The following MEGF11 variants were observed in gnomAD, a reference collection of about 807,000 sequenced individuals.
MEGF11 encodes the protein multiple epidermal growth factor-like domains protein 11.
In MEGF11, 126 loss-of-function variants were observed where a neutral mutation model predicts 146.6. That is an observed-to-expected ratio of 0.86 (90% CI 0.74 to 1.00). MEGF11 has a LOEUF of 1.00. Ranked by LOEUF, MEGF11 falls within the 50% of genes least tolerant of loss-of-function variation. The probability of loss-of-function intolerance (pLI) is 0.00; values close to 1 mark genes in which losing one functional copy is unlikely to be tolerated. For synonymous variants in MEGF11, 532 were observed against 583.4 expected (o/e 0.91, Z 1.27); for missense variants, 1,509 against 1,521.2 (o/e 0.99, Z 0.13).
At chr15:66,234,029 G>A (rs1213100880) in intron 1 of MEGF11, among the ~76,000 whole-genome samples, 6 of 137,852 alleles carry the variant, frequency 4.4e-5, no homozygotes, top group African/African-American at 1.7e-4. Context: ...TCCACCTCCC[G>A]GGTTCAAGCG....
chr15:65,957,143 G>A (rs910065711), intron 10 of MEGF11, among the ~76,000 whole-genome samples: 5 of 152,194 alleles, frequency 3.3e-5, no homozygotes, highest in Admixed American at 1.3e-4. Context: ...ATCTGCTCCT[G>A]CAGTGTTATG....
chr15:65,974,093 AAC>A (rs748963387), intron 7 of MEGF11, among the ~76,000 whole-genome samples: 18 of 152,238 alleles, frequency 1.2e-4, no homozygotes, highest in Middle Eastern at 3.2e-3. Context: ...CAATTAGTTC[AAC>A]ACACAATTAT....
At position 65,913,894 on chromosome 15, in the gene MEGF11, A is replaced by G. The variant is rs780334374; in HGVS notation, c.2553T>C (p.Ala851=). Residue 851 remains alanine, a synonymous_variant, in exon 20 of 26, where the codon GCT becomes GCC. Transcript: ENST00000395614. Reference sequence around the variant, plus strand: ...ATAACAGGAGCATGATGCCTGTGACAGCACCCACCGAGTGCCGCTCTGCAC... The same window carrying G: ...ATAACAGGAGCATGATGCCTGTGACGGCACCCACCGAGTGCCGCTCTGCAC... The part of the protein sequence containing the change: ...ALGAERHSVG[A]VTGIMLLLFL... 1 of 1,613,896 alleles carries G rather than the reference A, an allele frequency of 6.2e-7. No homozygotes were observed. The highest frequency in any genetic ancestry group is 8.5e-7 in the Non-Finnish European group (1 of 1,179,856).
At chr15:66,130,631 GAAA>G (rs2088600243) in intron 1 of MEGF11, among the ~76,000 whole-genome samples, 1 of 130,282 alleles carries the variant, frequency 7.7e-6, no homozygotes. Context: ...AAAGAAAGAA[GAAA>G]AGGAAAAAAA....
intron 5 of MEGF11, among the ~76,000 whole-genome samples, chr15:66,025,733 GC>G (rs1031385671): frequency 2.0e-5 from 3 of 152,000 alleles, no homozygotes; most frequent in Non-Finnish European, 2.9e-5. Context: ...AATTTGTTCA[GC>G]CCCCCGCCGA....
chr15:66,079,544 C>CA (rs199791838), intron 5 of MEGF11, among the ~76,000 whole-genome samples: 6 of 143,626 alleles, frequency 4.2e-5, no homozygotes, highest in Admixed American at 6.8e-5. Flanking sequence ...CACACCCCCC[C>CA]CCCCAGCACC....
intron 5 of MEGF11, among the ~76,000 whole-genome samples, chr15:66,017,365 C>G (rs1375029078): frequency 6.6e-6 from 1 of 152,218 alleles, no homozygotes; most frequent in Non-Finnish European, 1.5e-5. Context: ...CACATTTCAT[C>G]CTTTAGCATC....
At chr15:66,065,517 CGTTTCCCTTGTGGA>C (rs1377589030) in intron 5 of MEGF11, among the ~76,000 whole-genome samples, 1 of 152,112 alleles carries the variant, frequency 6.6e-6, no homozygotes, top group Non-Finnish European at 1.5e-5. Context: ...TTCCAAGTAG[CGTTTCCCTTGTGGA>C]GACTCAGACC....
intron 1 of MEGF11, among the ~76,000 whole-genome samples, chr15:66,242,878 G>A (rs2092238740): frequency 6.6e-6 from 1 of 152,132 alleles, no homozygotes; most frequent in Non-Finnish European, 1.5e-5. Flanking sequence ...ATCTAATTTG[G>A]AAATCTACTG....
At chr15:66,083,938 A>T (rs1036975685) in intron 5 of MEGF11, among the ~76,000 whole-genome samples, 2 of 152,256 alleles carry the variant, frequency 1.3e-5, no homozygotes, top group Non-Finnish European at 2.9e-5. Context: ...ATAATTTTTA[A>T]AAATGACACT....
In MEGF11 at chr15:65,957,818, C is replaced by T. The variant is rs1476099178; in HGVS notation, c.1113-97G>A. 5 of 1,210,056 alleles carry T rather than the reference C, an allele frequency of 4.1e-6. No homozygotes were observed. The African/African-American group carries it at 6.0e-5, about 15-fold the overall frequency. 75.0% of individuals were successfully genotyped at this position (1,210,056 alleles called of 1,614,324 possible). On this transcript the variant is annotated intron_variant, in intron 9 of 25. Coordinates refer to ENST00000395614, the MANE Select transcript of MEGF11 (RefSeq NM_001385028.1). The stretch of plus-strand genomic sequence containing the variant: ...CCCAAGCCTGGCTTGCCTAGGGTAG[C>T]AGGATCAAAGGACCTCTGGGATTAA...
intron 5 of MEGF11, among the ~76,000 whole-genome samples, chr15:65,999,535 G>A (rs1203990002): frequency 3.9e-5 from 6 of 152,048 alleles, no homozygotes; most frequent in Non-Finnish European, 8.8e-5. Flanking sequence ...CCTGAGCTTT[G>A]GAATCACACA....
intron 1 of MEGF11, among the ~76,000 whole-genome samples, chr15:66,246,583 G>T (rs2092298983): frequency 6.6e-6 from 1 of 152,000 alleles, no homozygotes; most frequent in African/African-American, 2.4e-5. Flanking sequence ...TGGGTGCATT[G>T]CTTGAGCCCA....
chr15:65,948,137 T>C (rs2080263627), intron 10 of MEGF11, among the ~76,000 whole-genome samples: 1 of 144,678 alleles, frequency 6.9e-6, no homozygotes, highest in Non-Finnish European at 1.5e-5. Context: ...ACCCCCACCA[T>C]CCCTCCCTGC....
At chr15:65,918,351 A>G (rs2079070124) in intron 15 of MEGF11, among the ~76,000 whole-genome samples, 1 of 152,230 alleles carries the variant, frequency 6.6e-6, no homozygotes, top group Non-Finnish European at 1.5e-5. Context: ...CCTGAGGCCC[A>G]TGGAGGTAGA....
At chr15:66,251,376 T>G (rs2092368026) in intron 1 of MEGF11, among the ~76,000 whole-genome samples, 1 of 152,176 alleles carries the variant, frequency 6.6e-6, no homozygotes, top group Non-Finnish European at 1.5e-5. Context: ...AATGCCTACA[T>G]GCACTCACTT....
intron 5 of MEGF11, among the ~76,000 whole-genome samples, chr15:65,998,474 C>T (rs776434200): frequency 7.2e-5 from 11 of 152,254 alleles, no homozygotes; most frequent in African/African-American, 1.9e-4. Context: ...GTACACAAAC[C>T]GAGACTTCTT....
chr15:66,115,149 G>A (rs569483710), intron 4 of MEGF11, among the ~76,000 whole-genome samples: 1 of 152,352 alleles, frequency 6.6e-6, no homozygotes, highest in South Asian at 2.1e-4. Flanking sequence ...GCCCTGCCCA[G>A]GGCACAGGTG....
chr15:66,186,572 T>G (rs958859641), intron 1 of MEGF11, among the ~76,000 whole-genome samples: 2 of 152,154 alleles, frequency 1.3e-5, no homozygotes, highest in African/African-American at 4.8e-5. Context: ...CTGACAGATG[T>G]CTAGCTATGG....
Sources: gnomAD v4.1 joint callset for allele counts (sites outside exome capture counted in the v4.1 genomes callset) on GRCh38, gnomAD v4.1.1 for gene constraint, MANE v1.5 for transcripts, NCBI Gene and HGNC (gene_info 2026-07-23, HGNC 2026-07-21) for gene names.